Variants in CTNND1 observed in about 807,000 individuals in gnomAD.
CTNND1 encodes the protein catenin delta-1.
A neutral mutation model predicts 112.1 loss-of-function variants in CTNND1; 16 were observed. The ratio of observed to expected loss-of-function variants is 0.14; its 90% CI spans 0.10 to 0.22. The LOEUF (loss-of-function observed/expected upper bound fraction) is 0.22, where lower values mean the gene tolerates loss of function less well. CTNND1 is among the 10% of genes least tolerant of loss of function. The pLI, the probability that CTNND1 is intolerant of heterozygous loss-of-function variation, is 1.00. For synonymous variants in CTNND1, 420 were observed against 446.5 expected, an observed-to-expected ratio of 0.94 and a Z score of 0.75; for missense variants, 1,008 against 1,257.0, an observed-to-expected ratio of 0.80 and a Z score of 3.00.
At chr11:57,813,354 C>G (rs1464708570) in intron 17 of CTNND1, among the ~76,000 whole-genome samples, 1 of 152,102 alleles carries the variant, frequency 6.6e-6, no homozygotes, top group Non-Finnish European at 1.5e-5. Flanking sequence ...TGAAAAAAGA[C>G]TTTTCTAATG....
chr11:57,783,890 T>C (rs2059865944), intron 1 of CTNND1, among the ~76,000 whole-genome samples: 1 of 152,110 alleles, frequency 6.6e-6, no homozygotes, highest in Non-Finnish European at 1.5e-5. Context: ...ATTAGTATTC[T>C]GCAGTAGGAG....
intron 9 of CTNND1, 130 bp from the exon 10 acceptor site, chr11:57,805,752 C>T (rs1316353160): frequency 1.9e-6 from 2 of 1,053,664 alleles, no homozygotes; most frequent in African/African-American, 3.2e-5. Context: ...TAAGAGGCAT[C>T]CTGAGAAGTT....
At chr11:57,793,533 G>C (rs924132845) in intron 3 of CTNND1, among the ~76,000 whole-genome samples, 1 of 152,208 alleles carries the variant, frequency 6.6e-6, no homozygotes, top group Admixed American at 6.5e-5. Flanking sequence ...GGAGTTTCCA[G>C]TGGTAGTACT....
chr11:57,803,650 T>C lies in CTNND1; in HGVS notation c.1450T>C (p.Ser484Pro). The C allele has an allele frequency of 1.2e-6, 2 of 1,612,758 alleles. No individual in the cohort carries two copies. The highest frequency in any genetic ancestry group is 1.7e-6 in the Non-Finnish European group (2 of 1,179,430). Residue 484 changes from serine to proline, a missense_variant, in exon 8 of 21, where the codon TCA becomes CCA. Physicochemically the swap from Ser to Pro is moderately conservative, Grantham distance 74. Transcript: ENST00000399050. ...GTLWNLSSHDSIKMEIVDHAL... is the reference protein window; with the variant it reads ...GTLWNLSSHDPIKMEIVDHAL... ...CCTGTGGAATCTTTCATCCCATGAC[T>C]CAATCAAAATGGAGATTGTGGACCA...
intron 3 of CTNND1, among the ~76,000 whole-genome samples, 171 bp from the exon 4 acceptor site, chr11:57,793,839 A>C (rs911386716): frequency 1.3e-5 from 2 of 152,320 alleles, no homozygotes; most frequent in South Asian, 4.1e-4. Flanking sequence ...ATTTTGAGGA[A>C]AGTGCTAAGA....
intron 1 of CTNND1, among the ~76,000 whole-genome samples, chr11:57,779,978 C>T (rs1355638068): frequency 6.6e-6 from 1 of 151,870 alleles, no homozygotes; most frequent in Non-Finnish European, 1.5e-5. Flanking sequence ...GGCTCCATTC[C>T]ACCTTCTCTT....
chr11:57,774,420 G>C (rs1354039483), intron 1 of CTNND1, among the ~76,000 whole-genome samples: 1 of 152,194 alleles, frequency 6.6e-6, no homozygotes, highest in Non-Finnish European at 1.5e-5. Flanking sequence ...CAGAGAAGAT[G>C]GTGCTGGCAA....
intron 1 of CTNND1, among the ~76,000 whole-genome samples, chr11:57,783,841 A>T (rs2059859334): frequency 6.6e-6 from 1 of 152,092 alleles, no homozygotes; most frequent in Non-Finnish European, 1.5e-5. Flanking sequence ...AATGTTATGT[A>T]ATACAGTTCT....
chr11:57,789,182 A>C (rs1248896395), intron 2 of CTNND1, 27 bp downstream of exon 2: 5 of 1,369,676 alleles, frequency 3.7e-6, no homozygotes, highest in Non-Finnish European at 9.6e-7. Flanking sequence ...GTTTATTAAG[A>C]AGGAAAAATC....
At chr11:57,790,200 G>T (rs574847842) in intron 2 of CTNND1, among the ~76,000 whole-genome samples, 73 of 152,034 alleles carry the variant, frequency 4.8e-4, no homozygotes, top group Middle Eastern at 6.8e-3. Flanking sequence ...TCATGCCTCG[G>T]CTGGGATTAC....
chr11:57,793,729 GACTAA>G (rs2061023418), intron 3 of CTNND1, among the ~76,000 whole-genome samples: 1 of 152,182 alleles, frequency 6.6e-6, no homozygotes, highest in African/African-American at 2.4e-5. Context: ...CAAGGCACTA[GACTAA>G]ACTAAACTTA....
rs1454742409 is a variant in CTNND1 at position 57,806,446 on chromosome 11, G to T, written c.1877-15G>T. 1 of 1,599,612 alleles carries T rather than the reference G, an allele frequency of 6.3e-7. No individual in the cohort carries two copies. The highest frequency in any genetic ancestry group is 8.5e-7 in the Non-Finnish European group (1 of 1,171,942). ...TTCTCTTCTCTGCTTTCTACCTTGG[G>T]TGATGCACTGGAAGATGAGTGGTTC... On this transcript the variant is annotated splice_polypyrimidine_tract_variant and intron_variant, in intron 10 of 20. Coordinates refer to ENST00000399050, the MANE Select transcript of CTNND1 (RefSeq NM_001085458.2).
chr11:57,807,222 A>C (rs2062783050), intron 12 of CTNND1, among the ~76,000 whole-genome samples: 1 of 152,220 alleles, frequency 6.6e-6, no homozygotes, highest in Admixed American at 6.5e-5. Context: ...TCCTGATGGT[A>C]GTATAGAGCA....
At position 57,814,393 on chromosome 11, in the gene CTNND1, C is replaced by G. The variant is rs760645738; in HGVS notation, c.2701+20C>G. The G allele has an allele frequency of 6.3e-7, 1 of 1,585,126 alleles. No homozygotes were observed. Among genetic ancestry groups the G allele is most frequent in the East Asian group, 2.2e-5 (1 of 44,540 alleles). On this transcript the variant is annotated intron_variant, in intron 18 of 20. Coordinates refer to ENST00000399050, the MANE Select transcript of CTNND1 (RefSeq NM_001085458.2). ...CACTAGGTAGGTGATTAATTCCTGCCTAAGGATGTGGAGTAATATTTCACT... is the reference window on the plus strand; with the variant it reads ...CACTAGGTAGGTGATTAATTCCTGCGTAAGGATGTGGAGTAATATTTCACT...
chr11:57,784,409 CAAA>C (rs71061541), intron 1 of CTNND1, among the ~76,000 whole-genome samples: 5 of 115,512 alleles, frequency 4.3e-5, no homozygotes, highest in African/African-American at 6.8e-5. Context: ...GATCCTGTCT[CAAA>C]AAAAAAAAAA....
chr11:57,762,748 G>A (rs1950155974), intron 1 of CTNND1, among the ~76,000 whole-genome samples: 1 of 152,172 alleles, frequency 6.6e-6, no homozygotes, highest in Non-Finnish European at 1.5e-5. Flanking sequence ...ATGGAACCAT[G>A]TTAACTGAAT....
chr11:57,806,149 A>G, intron 10 of CTNND1, 114 bp downstream of exon 10: 1 of 1,370,050 alleles, frequency 7.3e-7, no homozygotes. Flanking sequence ...CTGGTTATGG[A>G]TGTCTTTTTG....
chr11:57,802,175 G>C lies in CTNND1; in HGVS notation c.1399G>C (p.Asp467His). The change falls in exon 7 of 21, where the codon GAC becomes CAC. Residue 467 changes from aspartate (D) to histidine (H), a missense_variant. By Grantham distance (81) the Asp-to-His change is moderately conservative (BLOSUM62 -1). Around this residue, in one of 5 missense-constraint regions of CTNND1, gnomAD observed 216 missense variants for 342.8 expected, o/e 0.63. Coordinates refer to ENST00000399050, the MANE Select transcript of CTNND1 (RefSeq NM_001085458.2). ...ATTGCTTCGAAAGGCTCGTGATATGGACCTTACTGAAGTTATTACCGGTGA... is the reference window on the plus strand; with the variant it reads ...ATTGCTTCGAAAGGCTCGTGATATGCACCTTACTGAAGTTATTACCGGTGA... ...VRLLRKARDM[D>H]LTEVITGTLW... 1 of 1,612,790 alleles carries C rather than the reference G, an allele frequency of 6.2e-7. No individual in the cohort carries two copies. The highest frequency in any genetic ancestry group is 8.5e-7 in the Non-Finnish European group (1 of 1,179,194).
At chr11:57,791,830 G>T (rs2060779747) in intron 3 of CTNND1, among the ~76,000 whole-genome samples, 157 bp downstream of exon 3, 1 of 152,194 alleles carries the variant, frequency 6.6e-6, no homozygotes, top group Non-Finnish European at 1.5e-5. Flanking sequence ...GCTGATAAGA[G>T]ACAAGGAATA....
Sources: allele counts gnomAD v4.1 joint callset (sites outside exome capture counted in the v4.1 genomes callset), GRCh38; gene constraint gnomAD v4.1.1; regional missense constraint gnomAD v4.1.1; transcripts MANE v1.5; gene names NCBI Gene and HGNC (gene_info 2026-07-23, HGNC 2026-07-21).